The following SHISA9 variants were observed in gnomAD, a reference collection of about 807,000 sequenced individuals.
The protein encoded by SHISA9 is shisa family member 9, also known as protein shisa-9.
Under a neutral mutation model 38.0 loss-of-function variants are expected in SHISA9, and 13 were observed. The observed-to-expected ratio is 0.34, with a 90% CI of 0.22 to 0.54. The LOEUF is 0.54. Ranked by LOEUF, SHISA9 falls within the 20% of genes least tolerant of loss-of-function variation. The pLI is 0.91. For missense variants in SHISA9, 538 were observed against 575.8 expected, an observed-to-expected ratio of 0.93 and a Z score of 0.67; for synonymous variants, 275 against 242.0, an observed-to-expected ratio of 1.14 and a Z score of -1.27.
the SHISA9 span, among the ~76,000 whole-genome samples, chr16:13,266,698 C>G: frequency 6.6e-6 from 1 of 152,096 alleles, no homozygotes; most frequent in African/African-American, 2.4e-5. Flanking sequence ...TCTGGGGACC[C>G]TGCTGGAGGA....
At chr16:13,131,716 C>T (rs567047250) in intron 2 of SHISA9, among the ~76,000 whole-genome samples, 1 of 152,284 alleles carries the variant, frequency 6.6e-6, no homozygotes, top group South Asian at 2.1e-4. Flanking sequence ...CTCTATACAA[C>T]CCCCAAGGAG....
chr16:13,106,924 T>G (rs2073930144), intron 2 of SHISA9, among the ~76,000 whole-genome samples: 2 of 152,046 alleles, frequency 1.3e-5, no homozygotes, highest in South Asian at 4.2e-4. Flanking sequence ...ATTTCATGCC[T>G]GTAGTTTTCT....
chr16:13,020,755 A>C (rs1291289143), intron 2 of SHISA9, among the ~76,000 whole-genome samples: 1 of 152,210 alleles, frequency 6.6e-6, no homozygotes, highest in Non-Finnish European at 1.5e-5. Context: ...GGATCCAAAC[A>C]TACTAAATGA....
the SHISA9 span, among the ~76,000 whole-genome samples, chr16:13,531,661 C>T: frequency 2.0e-5 from 3 of 152,154 alleles, no homozygotes; most frequent in African/African-American, 7.2e-5. Context: ...GAGGAGCGAT[C>T]ACCATGAGGT....
At position 13,237,727 on chromosome 16, in the gene SHISA9, A is replaced by T. The variant is rs1376143694; in HGVS notation, c.*2318A>T. ...TAATAGGAGATCTCCATGTATAAAA[A>T]GGTACCATGCTGTACAAAGCTGGGG... is the stretch of plus-strand genomic sequence containing the variant. On this transcript the variant is annotated 3_prime_UTR_variant, in exon 5 of 5. Coordinates refer to ENST00000558583, the MANE Select transcript of SHISA9 (RefSeq NM_001145204.3). The T allele has an allele frequency of 6.6e-6, 1 of 152,018 alleles. No individual in the cohort carries two copies. The allele number at this position is 152,018 out of a possible 1,614,324, so 9.4% of individuals were successfully genotyped here.
intron 4 of SHISA9, among the ~76,000 whole-genome samples, chr16:13,229,717 G>A (rs1037778491): frequency 1.2e-4 from 19 of 152,132 alleles, no homozygotes; most frequent in African/African-American, 4.6e-4. Flanking sequence ...AAGAACTCGT[G>A]GTCTAGTGGG....
At chr16:12,949,314 G>T (rs2071725722) in intron 2 of SHISA9, among the ~76,000 whole-genome samples, 1 of 152,236 alleles carries the variant, frequency 6.6e-6, no homozygotes, top group South Asian at 2.1e-4. Context: ...CAGCTCTGGA[G>T]CGTGAACTGC....
intron 2 of SHISA9, among the ~76,000 whole-genome samples, chr16:12,961,230 C>T (rs978752892): frequency 6.6e-6 from 1 of 152,088 alleles, no homozygotes; most frequent in Non-Finnish European, 1.5e-5. Flanking sequence ...GGGGAGTGGC[C>T]TAGGGCTTTG....
At chr16:13,035,476 T>C (rs1470038033) in intron 2 of SHISA9, among the ~76,000 whole-genome samples, 2 of 152,310 alleles carry the variant, frequency 1.3e-5, no homozygotes, top group African/African-American at 2.4e-5. Flanking sequence ...TAAAGGGGAC[T>C]TTCTTGTGAA....
At chr16:13,353,184 A>G in the SHISA9 span, among the ~76,000 whole-genome samples, 8 of 152,216 alleles carry the variant, frequency 5.3e-5, no homozygotes, top group Non-Finnish European at 8.8e-5. Context: ...TTAAGCTGAA[A>G]GGAGATCTTG....
chr16:13,092,725 T>C (rs1271405377), intron 2 of SHISA9, among the ~76,000 whole-genome samples: 2 of 152,232 alleles, frequency 1.3e-5, no homozygotes, highest in East Asian at 3.9e-4. Context: ...AGGTAGTCTG[T>C]TGTGGCTTCC....
At chr16:13,289,855 C>T in the SHISA9 span, among the ~76,000 whole-genome samples, 1 of 152,136 alleles carries the variant, frequency 6.6e-6, no homozygotes, top group Admixed American at 6.6e-5. Context: ...TCTCTTTTGC[C>T]TAAGCTAGTT....
the SHISA9 span, among the ~76,000 whole-genome samples, chr16:13,435,604 G>T: frequency 6.6e-5 from 10 of 152,052 alleles, no homozygotes; most frequent in Non-Finnish European, 1.3e-4. Flanking sequence ...GCTCAGCCTT[G>T]GCAAAAACCT....
chr16:13,003,254 G>A (rs1271908072), intron 2 of SHISA9, among the ~76,000 whole-genome samples: 1 of 152,158 alleles, frequency 6.6e-6, no homozygotes, highest in Non-Finnish European at 1.5e-5. Context: ...CTAGGTCACT[G>A]GGGAACCATG....
At chr16:13,536,920 C>A in the SHISA9 span, among the ~76,000 whole-genome samples, 1 of 152,156 alleles carries the variant, frequency 6.6e-6, no homozygotes, top group African/African-American at 2.4e-5. Context: ...TCCTACTACT[C>A]AAAATTCCAC....
chr16:13,278,906 A>G, the SHISA9 span, among the ~76,000 whole-genome samples: 2 of 151,626 alleles, frequency 1.3e-5, no homozygotes, highest in Non-Finnish European at 2.9e-5. Context: ...TTTGGTTTCA[A>G]TTTCATTTAG....
chr16:13,454,304 G>C, the SHISA9 span, among the ~76,000 whole-genome samples: 1 of 152,160 alleles, frequency 6.6e-6, no homozygotes, highest in Non-Finnish European at 1.5e-5. Flanking sequence ...TGAGGATATA[G>C]GCAGAAGGAA....
intron 1 of SHISA9, chr16:12,908,544 G>C: frequency 1.3e-6 from 2 of 1,551,932 alleles, no homozygotes; most frequent in Non-Finnish European, 1.7e-6. Context: ...CCTGCCCCTG[G>C]AGAGTGGAGT....
At chr16:13,234,883 G>A (rs769634583) in intron 4 of SHISA9, 147 bp from the exon 5 acceptor site, 84 of 888,574 alleles carry the variant, frequency 9.5e-5, no homozygotes, top group Non-Finnish European at 1.4e-4. Flanking sequence ...TGTTCTAGGT[G>A]GAGTTTCTAG....
Sources: allele counts gnomAD v4.1 joint callset (sites outside exome capture counted in the v4.1 genomes callset), GRCh38; gene constraint gnomAD v4.1.1; transcripts MANE v1.5; gene names NCBI Gene and HGNC (gene_info 2026-07-23, HGNC 2026-07-21).